The following CDH23 variants were observed in gnomAD, a reference collection of about 807,000 sequenced individuals.
CDH23 encodes cadherin related 23.
In CDH23, 189 loss-of-function variants were observed where a neutral mutation model predicts 317.1. The observed-to-expected ratio is 0.60, with a 90% CI of 0.53 to 0.67. The LOEUF (loss-of-function observed/expected upper bound fraction) is 0.67, where lower values mean the gene tolerates loss of function less well. Ranked by LOEUF, CDH23 falls within the 30% of genes least tolerant of loss-of-function variation. CDH23 has a pLI of 0.00. For synonymous variants in CDH23, 1,839 were observed against 1,876.8 expected (o/e 0.98, Z 0.52); for missense variants, 4,401 against 4,592.4 (o/e 0.96, Z 1.20).
chr10:71,408,797 G>T (rs1285137820), intron 1 of CDH23, among the ~76,000 whole-genome samples: 1 of 152,228 alleles, frequency 6.6e-6, no homozygotes, highest in Non-Finnish European at 1.5e-5. Context: ...GGTGTCAGGG[G>T]CAAGGGCAGA....
chr10:71,764,252 G>T (rs559915097), intron 38 of CDH23, among the ~76,000 whole-genome samples: 1 of 152,250 alleles, frequency 6.6e-6, no homozygotes, highest in African/African-American at 2.4e-5. Flanking sequence ...GGTTTCATGG[G>T]CATATCTAAC....
In CDH23 at chr10:71,811,615, CA is replaced by C. The variant is rs763525851; in HGVS notation, c.9278+26del. On this transcript the variant is annotated intron_variant, in intron 64 of 69. Transcript: ENST00000224721. ...TGTGAGTGTCCCCCACCCCTGCCAT[CA>C]GGGGGCCGACCACCTGCTCCCGGAT... The C allele has an allele frequency of 2.5e-6, 4 of 1,613,904 alleles. No homozygotes were observed. In the South Asian group the frequency reaches 4.4e-5, roughly 18 times the overall value.
rs777496488 is a variant in CDH23 at position 71,759,840 on chromosome 10, CACACACATAT to C, written c.4846-17832_4846-17823del. On this transcript the variant is annotated intron_variant, in intron 38 of 69. Coordinates refer to ENST00000224721, the MANE Select transcript of CDH23 (RefSeq NM_022124.6). ...AAATATACACACACACACACACACA[CACACACATAT>C]ACACACACACACACATATATATACA... Among the ~76,000 whole-genome samples the C allele has an allele frequency of 3.2e-3, 161 of 50,120 alleles. 6 individuals are homozygous for C. Among genetic ancestry groups the C allele is most frequent in the East Asian group, 0.014 (19 of 1,386 alleles). 32.9% of individuals were successfully genotyped at this position (50,120 alleles called of 152,430 possible). A position where few individuals can be genotyped will look rare whatever the true frequency, so the allele number is the denominator to read the frequency against.
At chr10:71,664,017 G>GT (rs34080949) in intron 14 of CDH23, among the ~76,000 whole-genome samples, 74,419 of 148,084 alleles carry the variant, frequency 0.5, 19,152 homozygotes, top group Admixed American at 0.55. Context: ...AAAAAAAAAG[G>GT]ATTACGGACT....
intron 1 of CDH23, among the ~76,000 whole-genome samples, chr10:71,409,984 G>A (rs1589272100): frequency 1.3e-5 from 2 of 152,318 alleles, no homozygotes; most frequent in South Asian, 4.1e-4. Flanking sequence ...AACCCTAAAT[G>A]AGAGGAAGTG....
chr10:71,791,148 G>T lies in CDH23; in HGVS notation c.6066G>T (p.Arg2022Ser), dbSNP rs1841239737. Residue 2022 changes from arginine (R) to serine (S), a missense_variant, in exon 47 of 70, where the codon AGG (arginine) becomes AGT (serine). By Grantham distance (110) the Arg-to-Ser change is moderately radical. Around this residue, in one of 3 missense-constraint regions of CDH23, gnomAD observed 3,068 missense variants for 3,203.3 expected, o/e 0.96. Transcript: ENST00000224721. ...GGGTGCCAGGTGTGGTGACCGTGAG[G>T]TCAGGTGTCATCATTGACCGGGAGG... Reference protein sequence around the residue: ...INSSTGVVTVRSGVIIDREAF... With the variant: ...INSSTGVVTVSSGVIIDREAF... 1.4e-5 allele frequency: 23 copies of T among 1,610,118 alleles called. No homozygotes were observed. Among genetic ancestry groups the T allele is most frequent in the Non-Finnish European group, 1.9e-5 (22 of 1,178,446 alleles).
At chr10:71,500,757 C>CTCTTTTCTTT (rs1564618256) in intron 3 of CDH23, among the ~76,000 whole-genome samples, 3 of 142,262 alleles carry the variant, frequency 2.1e-5, no homozygotes, top group African/African-American at 8.0e-5. Context: ...CCCTCTGAGC[C>CTCTTTTCTTT]TGTTTTCTTT....
chr10:71,672,980 C>T lies in CDH23; in HGVS notation c.1450-2132C>T, dbSNP rs116610632. Among the ~76,000 whole-genome samples, 1,321 of 152,262 alleles carry T rather than the reference C, an allele frequency of 8.7e-3. 19 individuals are homozygous for T. Among genetic ancestry groups the T allele is most frequent in the African/African-American group, 0.03 (1,260 of 41,544 alleles). On this transcript the variant is annotated intron_variant, in intron 14 of 69. Transcript: ENST00000224721. Reference sequence around the variant, plus strand: ...TTTCTGCTTCTCAGCTGCTCTCCTCCACCTCCTAGCCTGCTGTCTCTCCTC... The same window carrying T: ...TTTCTGCTTCTCAGCTGCTCTCCTCTACCTCCTAGCCTGCTGTCTCTCCTC...
chr10:71,763,736 C>T (rs1262264873), intron 38 of CDH23, among the ~76,000 whole-genome samples: 1 of 152,228 alleles, frequency 6.6e-6, no homozygotes, highest in East Asian at 1.9e-4. Flanking sequence ...CTGTAAGTGC[C>T]ATGCGAGTAG....
At chr10:71,754,426 A>G (rs1840082284) in intron 38 of CDH23, among the ~76,000 whole-genome samples, 4 of 152,138 alleles carry the variant, frequency 2.6e-5, no homozygotes, top group South Asian at 4.1e-4. Flanking sequence ...CACCAGAGCA[A>G]TCCTTTCTCA....
At chr10:71,706,707 G>A (rs1865801317) in intron 25 of CDH23, among the ~76,000 whole-genome samples, 190 bp from the exon 26 acceptor site, 1 of 152,246 alleles carries the variant, frequency 6.6e-6, no homozygotes, top group Non-Finnish European at 1.5e-5. Flanking sequence ...GGTGGGCCTG[G>A]TCCTGGCCCC....
intron 6 of CDH23, among the ~76,000 whole-genome samples, chr10:71,566,375 G>T (rs1857399878): frequency 6.6e-6 from 1 of 152,124 alleles, no homozygotes; most frequent in Non-Finnish European, 1.5e-5. Flanking sequence ...CAGGAGGGAG[G>T]CTTGAGGCTG....
chr10:71,453,330 C>G (rs1850537551), intron 3 of CDH23, among the ~76,000 whole-genome samples: 1 of 152,244 alleles, frequency 6.6e-6, no homozygotes, highest in African/African-American at 2.4e-5. Flanking sequence ...CCAGGGAGAG[C>G]AGTTTTCAGG....
At position 71,541,775 on chromosome 10, in the gene CDH23, T is replaced by C. The variant is rs183032324; in HGVS notation, c.430-24967T>C. Among the ~76,000 whole-genome samples, 267 of 152,330 alleles carry C rather than the reference T, an allele frequency of 1.8e-3. 5 individuals are homozygous for C. The highest frequency in any genetic ancestry group is 0.016 in the Admixed American group (251 of 15,300). On this transcript the variant is annotated intron_variant, in intron 6 of 69. Transcript: ENST00000224721. ...ACTCTGTTGCAACCACTCACCTTTCTTGTGATACAAAAGCAGCCACAGATA... is the reference window on the plus strand; with the variant it reads ...ACTCTGTTGCAACCACTCACCTTTCCTGTGATACAAAAGCAGCCACAGATA...
chr10:71,761,412 C>G (rs1840380231), intron 38 of CDH23, among the ~76,000 whole-genome samples: 1 of 152,206 alleles, frequency 6.6e-6, no homozygotes, highest in Admixed American at 6.5e-5. Context: ...CTCTCCATCA[C>G]TCCAGCTAAC....
intron 9 of CDH23, among the ~76,000 whole-genome samples, chr10:71,589,806 A>G (rs1475606060): frequency 6.6e-6 from 1 of 152,246 alleles, no homozygotes; most frequent in East Asian, 1.9e-4. Flanking sequence ...ATGCCAAACT[A>G]GGGAGTAATA....
intron 9 of CDH23, among the ~76,000 whole-genome samples, chr10:71,580,972 A>G (rs1858588795): frequency 6.6e-6 from 1 of 152,152 alleles, no homozygotes; most frequent in Admixed American, 6.5e-5. Flanking sequence ...GAGCAGGTGG[A>G]CAGCAGGCTA....
intron 38 of CDH23, among the ~76,000 whole-genome samples, chr10:71,744,213 A>G (rs1839801917): frequency 6.6e-6 from 1 of 152,128 alleles, no homozygotes; most frequent in Non-Finnish European, 1.5e-5. Flanking sequence ...TGGAGAATGG[A>G]TTTGGGGTGG....
At chr10:71,670,961 C>CT (rs762870565) in intron 14 of CDH23, among the ~76,000 whole-genome samples, 4,198 of 128,588 alleles carry the variant, frequency 0.033, 177 homozygotes, top group East Asian at 0.19. Context: ...GATTTGGCAT[C>CT]TTTTTTTTTT....
Sources: gnomAD v4.1 joint callset for allele counts (sites outside exome capture counted in the v4.1 genomes callset) on GRCh38, gnomAD v4.1.1 for gene constraint, gnomAD v4.1.1 regional missense constraint, MANE v1.5 for transcripts, NCBI Gene and HGNC (gene_info 2026-07-23, HGNC 2026-07-21) for gene names.